The following NEDD9 variants were observed in gnomAD, a reference collection of about 807,000 sequenced individuals.
The protein encoded by NEDD9 is neural precursor cell expressed, developmentally down-regulated 9.
NEDD9 carries 26 observed loss-of-function variants against 76.6 expected under a neutral mutation model. The observed-to-expected ratio is 0.34, with a 90% CI of 0.25 to 0.47. The LOEUF (loss-of-function observed/expected upper bound fraction) is 0.47, where lower values mean the gene tolerates loss of function less well. NEDD9 is among the 20% of genes least tolerant of loss of function. NEDD9 has a pLI of 1.00. For missense variants in NEDD9, 937 were observed against 1,058.5 expected, an observed-to-expected ratio of 0.89 and a Z score of 1.59; for synonymous variants, 392 against 414.2, an observed-to-expected ratio of 0.95 and a Z score of 0.65.
intron 3 of NEDD9, among the ~76,000 whole-genome samples, chr6:11,285,856 T>A (rs2113366671): frequency 6.6e-6 from 1 of 152,272 alleles, no homozygotes; most frequent in South Asian, 2.1e-4. Context: ...TGAATATTAA[T>A]TCAAAGTGGA....
intron 4 of NEDD9, among the ~76,000 whole-genome samples, chr6:11,191,684 G>A (rs1159520672): frequency 6.6e-6 from 1 of 152,120 alleles, no homozygotes; most frequent in Admixed American, 6.5e-5. Flanking sequence ...AGTCAAACGA[G>A]TTCACTCAAA....
intron 3 of NEDD9, among the ~76,000 whole-genome samples, chr6:11,300,956 A>C (rs1761031494): frequency 6.6e-6 from 1 of 152,228 alleles, no homozygotes; most frequent in East Asian, 1.9e-4. Flanking sequence ...AAACTGCATC[A>C]ATTAACAGGC....
intron 1 of NEDD9, among the ~76,000 whole-genome samples, chr6:11,349,703 A>C (rs1474686260): frequency 2.6e-5 from 4 of 152,224 alleles, no homozygotes; most frequent in Non-Finnish European, 4.4e-5. Context: ...CTTACTTATA[A>C]GTGGGAGCTA....
intron 3 of NEDD9, among the ~76,000 whole-genome samples, chr6:11,278,467 A>C (rs1189492523): frequency 1.3e-5 from 2 of 152,110 alleles, no homozygotes; most frequent in African/African-American, 2.4e-5. Flanking sequence ...GACCCCAAAC[A>C]CTTAACCACT....
At chr6:11,234,071 C>A (rs1420297806), upstream of NEDD9, among the ~76,000 whole-genome samples, 5 of 152,122 alleles carry the variant, frequency 3.3e-5, no homozygotes, top group Admixed American at 2.6e-4. Context: ...GGCACTGATT[C>A]CAGGGACATG....
At chr6:11,352,357 T>G (rs1267430575) in intron 1 of NEDD9, 1 of 152,186 alleles carries the variant, frequency 6.6e-6, no homozygotes, top group Non-Finnish European at 1.5e-5. Context: ...ACTCAGACAT[T>G]TGCTCTTTGG....
chr6:11,367,210 T>C (rs1199455163), intron 1 of NEDD9, among the ~76,000 whole-genome samples: 2 of 152,254 alleles, frequency 1.3e-5, no homozygotes, highest in Admixed American at 6.5e-5. Context: ...GGTCTGAAAG[T>C]GCAGTGGGCA....
chr6:11,216,685 A>G (rs570870141), intron 1 of NEDD9, among the ~76,000 whole-genome samples: 1 of 152,348 alleles, frequency 6.6e-6, no homozygotes, highest in South Asian at 2.1e-4. Flanking sequence ...AGGCAACAGC[A>G]TCCCTTTGGG....
intron 3 of NEDD9, among the ~76,000 whole-genome samples, chr6:11,275,565 C>T (rs1371075156): frequency 2.0e-5 from 3 of 150,184 alleles, no homozygotes; most frequent in Admixed American, 6.6e-5. Context: ...CACACACACA[C>T]ATATATATAT....
intron 1 of NEDD9, among the ~76,000 whole-genome samples, chr6:11,359,849 T>C (rs1195085377): frequency 1.3e-5 from 2 of 152,210 alleles, no homozygotes; most frequent in Non-Finnish European, 1.5e-5. Context: ...TGTTGCCAGA[T>C]AGCAAGTCGT....
At chr6:11,240,042 C>CAA (rs144360623) in intron 3 of NEDD9, among the ~76,000 whole-genome samples, 14 of 91,862 alleles carry the variant, frequency 1.5e-4, no homozygotes, top group Non-Finnish European at 2.4e-4. Flanking sequence ...GACTTCATCT[C>CAA]AAAAAAAAAA....
rs199933026 is a variant in NEDD9, at chr6:11,319,619, A to G, written c.-152-13464T>C. On this transcript the variant is annotated intron_variant, in intron 2 of 3. Coordinates refer to the NEDD9 transcript ENST00000397378. ...ACACTAACCATGCACACTCACACTCACACACACACACACTAACATGCACAC... is the reference window on the plus strand; with the variant it reads ...ACACTAACCATGCACACTCACACTCGCACACACACACACTAACATGCACAC... Among the ~76,000 whole-genome samples the G allele has an allele frequency of 2.8e-4, 41 of 147,156 alleles. 1 individual carries two copies. The highest frequency in any genetic ancestry group is 9.6e-4 in the African/African-American group (38 of 39,468).
rs115534308 is a variant in NEDD9, at chr6:11,188,456, G to A, written c.1906-149C>T. On this transcript the variant is annotated intron_variant, in intron 5 of 6. Transcript: ENST00000379446. ...CAGTGAGGCACTGTGAACCCTAGAC[G>A]ACAGGGGTGGCAGAAAAATAAAGCC... The A allele has an allele frequency of 8.3e-3, 5,799 of 702,160 alleles. 44 individuals are homozygous for A. The highest frequency in any genetic ancestry group is 0.024 in the Middle Eastern group (80 of 3,292). 43.5% of individuals were successfully genotyped at this position (702,160 alleles called of 1,614,324 possible).
intron 2 of NEDD9, among the ~76,000 whole-genome samples, chr6:11,313,819 C>T (rs537182756): frequency 4.6e-5 from 7 of 151,982 alleles, no homozygotes; most frequent in African/African-American, 1.5e-4. Flanking sequence ...TTGGAAGTCA[C>T]GGTAATATTT....
At chr6:11,242,599 A>T (rs1759730424) in intron 3 of NEDD9, among the ~76,000 whole-genome samples, 1 of 151,994 alleles carries the variant, frequency 6.6e-6, no homozygotes, top group African/African-American at 2.4e-5. Flanking sequence ...CAAAAAAAAA[A>T]AACTGTCTTT....
intron 1 of NEDD9, among the ~76,000 whole-genome samples, chr6:11,378,432 T>G (rs1763004468): frequency 6.6e-6 from 1 of 152,158 alleles, no homozygotes; most frequent in Non-Finnish European, 1.5e-5. Flanking sequence ...TTAAACCTTT[T>G]TTCTTTGCAG....
chr6:11,208,006 C>T (rs1213197259), intron 2 of NEDD9, among the ~76,000 whole-genome samples: 2 of 152,062 alleles, frequency 1.3e-5, no homozygotes, highest in Admixed American at 6.6e-5. Flanking sequence ...GGCAAAACCC[C>T]GTCTCTACTA....
At chr6:11,288,254 G>A (rs528793396) in intron 3 of NEDD9, among the ~76,000 whole-genome samples, 1 of 152,336 alleles carries the variant, frequency 6.6e-6, no homozygotes, top group African/African-American at 2.4e-5. Context: ...TGCCGAGGGT[G>A]GTGTTTACCT....
chr6:11,319,386 ACACT>A (rs150141454), intron 2 of NEDD9, among the ~76,000 whole-genome samples: 11,738 of 151,604 alleles, frequency 0.077, 586 homozygotes, highest in Admixed American at 0.16. Flanking sequence ...CACAAGTCTC[ACACT>A]CACACACACT....
Sources: allele counts gnomAD v4.1 joint callset (sites outside exome capture counted in the v4.1 genomes callset), GRCh38; gene constraint gnomAD v4.1.1; transcripts MANE v1.5; gene names NCBI Gene and HGNC (gene_info 2026-07-23, HGNC 2026-07-21).